The following KLHL29 variants were observed in gnomAD, a reference collection of about 807,000 sequenced individuals.
KLHL29 encodes the protein kelch like family member 29.
Under a neutral mutation model 80.4 loss-of-function variants are expected in KLHL29, and 21 were observed. The ratio of observed to expected loss-of-function variants is 0.26; its 90% CI spans 0.19 to 0.38. The LOEUF is 0.38. Among genes scored for constraint, KLHL29 ranks in the 10% least tolerant of loss-of-function variants. KLHL29 has a pLI of 1.00. For missense variants in KLHL29, 867 were observed against 1,223.9 expected, an observed-to-expected ratio of 0.71 and a Z score of 4.35; for synonymous variants, 511 against 526.8, an observed-to-expected ratio of 0.97 and a Z score of 0.41.
intron 1 of KLHL29, among the ~76,000 whole-genome samples, chr2:23,402,646 G>A (rs774766593): frequency 1.3e-5 from 2 of 152,218 alleles, no homozygotes; most frequent in Non-Finnish European, 2.9e-5. Context: ...TTTGGGCACT[G>A]CAGGAGGGTT....
intron 1 of KLHL29, among the ~76,000 whole-genome samples, chr2:23,405,695 C>T (rs1019449172): frequency 9.2e-5 from 14 of 152,162 alleles, no homozygotes; most frequent in African/African-American, 3.1e-4. Flanking sequence ...ATGGTTTGCT[C>T]CCCATCCTAG....
intron 1 of KLHL29, among the ~76,000 whole-genome samples, chr2:23,404,131 A>C (rs1666668787): frequency 1.3e-5 from 2 of 152,272 alleles, no homozygotes; most frequent in Non-Finnish European, 2.9e-5. Flanking sequence ...GCCAGAACGA[A>C]ATGCGTTTTG....
At chr2:23,662,834 C>T (rs1670449962) in intron 5 of KLHL29, among the ~76,000 whole-genome samples, 1 of 152,204 alleles carries the variant, frequency 6.6e-6, no homozygotes, top group South Asian at 2.1e-4. Flanking sequence ...AGCCTGACTG[C>T]CTGGGGAAGG....
intron 2 of KLHL29, among the ~76,000 whole-genome samples, chr2:23,529,576 C>T (rs1418242123): frequency 6.6e-6 from 1 of 151,934 alleles, no homozygotes; most frequent in Non-Finnish European, 1.5e-5. Context: ...GCCCCTGTTG[C>T]CCACCCGCCC....
chr2:23,420,779 GC>G (rs1662776083), intron 1 of KLHL29, among the ~76,000 whole-genome samples: 1 of 152,144 alleles, frequency 6.6e-6, no homozygotes, highest in African/African-American at 2.4e-5. Flanking sequence ...AAATGGCACT[GC>G]TGAGGCCCAT....
chr2:23,456,250 G>T (rs997983851), intron 1 of KLHL29, among the ~76,000 whole-genome samples: 1 of 152,192 alleles, frequency 6.6e-6, no homozygotes, highest in Non-Finnish European at 1.5e-5. Flanking sequence ...CATTGTTGTA[G>T]CTGGAGGGGG....
chr2:23,524,394 CCGGGA>C, intron 2 of KLHL29: 1 of 164,186 alleles, frequency 6.1e-6, no homozygotes, highest in South Asian at 1.7e-4. Context: ...CCCCGGGCTC[CCGGGA>C]GGCGTCGGCA....
At chr2:23,554,097 G>T (rs1667199199) in intron 2 of KLHL29, among the ~76,000 whole-genome samples, 1 of 152,212 alleles carries the variant, frequency 6.6e-6, no homozygotes, top group Admixed American at 6.5e-5. Context: ...GCAGCCCCAG[G>T]AGGCAGGGAG....
At chr2:23,663,419 C>A (rs1381298351) in intron 5 of KLHL29, among the ~76,000 whole-genome samples, 2 of 152,232 alleles carry the variant, frequency 1.3e-5, no homozygotes, top group African/African-American at 2.4e-5. Context: ...CTCGGGCCGC[C>A]CCGCGGCTCC....
At chr2:23,467,291 C>T (rs895674294) in intron 1 of KLHL29, among the ~76,000 whole-genome samples, 12 of 152,240 alleles carry the variant, frequency 7.9e-5, no homozygotes, top group Admixed American at 5.2e-4. Flanking sequence ...TACCTACACA[C>T]ATTGGTAGAG....
chr2:23,692,154 C>A (rs933365520), intron 7 of KLHL29, among the ~76,000 whole-genome samples: 4 of 152,214 alleles, frequency 2.6e-5, no homozygotes, highest in African/African-American at 4.8e-5. Context: ...ACAAATGGCA[C>A]CATGAGGGCT....
intron 3 of KLHL29, among the ~76,000 whole-genome samples, chr2:23,632,969 T>C (rs546103146): frequency 8.3e-6 from 1 of 121,094 alleles, no homozygotes; most frequent in South Asian, 3.1e-4. Context: ...ATGTAGGGAG[T>C]TCCAAAAGTC....
At position 23,437,437 on chromosome 2, in the gene KLHL29, G is replaced by T. The variant is rs533081305; in HGVS notation, c.-153-38123G>T. On this transcript the variant is annotated intron_variant, in intron 1 of 13. Coordinates refer to ENST00000486442, the MANE Select transcript of KLHL29 (RefSeq NM_052920.2). ...TAGGATGAAAGGCATTTTCTTTTAC[G>T]TAGGTGACCTGGTTTTTGTTTTCAT... Among the ~76,000 whole-genome samples the T allele has an allele frequency of 1.1e-4, 16 of 152,232 alleles. No homozygotes were observed. In the East Asian group the frequency reaches 2.7e-3, roughly 26 times the overall value.
At chr2:23,702,714 T>C (rs1312910125) in intron 11 of KLHL29, among the ~76,000 whole-genome samples, 1 of 152,158 alleles carries the variant, frequency 6.6e-6, no homozygotes, top group Non-Finnish European at 1.5e-5. Flanking sequence ...GCATCCTGCA[T>C]GTAATTATTC....
At chr2:23,621,002 G>A (rs975718258) in intron 3 of KLHL29, among the ~76,000 whole-genome samples, 29 of 152,252 alleles carry the variant, frequency 1.9e-4, no homozygotes, top group African/African-American at 3.4e-4. Context: ...GGAGCCAGGC[G>A]GAAGGTCTTT....
rs1379703782 is a variant in KLHL29, at chr2:23,696,322, A to G, written c.1925-11A>G. ...CCCGCCCGCTCTCTCTGCCTCCCAC[A>G]CTGCCTCCAGGTGGGATGGAATCAG... On this transcript the variant is annotated splice_polypyrimidine_tract_variant and intron_variant, in intron 10 of 13. Transcript: ENST00000486442. The surrounding 1 kb of genome is among the most constrained non-coding windows in gnomAD (Gnocchi z 5.5). The G allele has an allele frequency of 1.9e-6, 3 of 1,550,432 alleles. No homozygotes were observed. Among genetic ancestry groups the G allele is most frequent in the African/African-American group, 1.4e-5 (1 of 72,862 alleles).
intron 2 of KLHL29, chr2:23,524,210 C>T: frequency 3.2e-6 from 1 of 312,606 alleles, no homozygotes; most frequent in Non-Finnish European, 6.6e-6. Flanking sequence ...CAGAGCCACC[C>T]AGGCCCAAGT....
At chr2:23,617,701 A>ACCGT (rs1374322170) in intron 3 of KLHL29, 1 of 152,224 alleles carries the variant, frequency 6.6e-6, no homozygotes, top group African/African-American at 2.4e-5. Context: ...GGCTGCAGTT[A>ACCGT]CCGTCCTCAT....
At chr2:23,531,505 C>T (rs534056047) in intron 2 of KLHL29, among the ~76,000 whole-genome samples, 38 of 152,316 alleles carry the variant, frequency 2.5e-4, no homozygotes, top group African/African-American at 8.2e-4. Context: ...GCCTCCGAGC[C>T]GCCAGGACGG....
Sources: allele counts gnomAD v4.1 joint callset (sites outside exome capture counted in the v4.1 genomes callset), GRCh38; gene constraint gnomAD v4.1.1; non-coding constraint Gnocchi (gnomAD v3.1); transcripts MANE v1.5; gene names NCBI Gene and HGNC (gene_info 2026-07-23, HGNC 2026-07-21).